ABCC1: variants seen among roughly 807,000 people sequenced by gnomAD.
ABCC1 encodes multidrug resistance-associated protein 1.
A neutral mutation model predicts 172.9 loss-of-function variants in ABCC1; 83 were observed. The ratio of observed to expected loss-of-function variants is 0.48; its 90% CI spans 0.40 to 0.58. ABCC1 has a LOEUF of 0.58. Ranked by LOEUF, ABCC1 falls within the 20% of genes least tolerant of loss-of-function variation. The pLI is 0.00. For missense variants in ABCC1, 1,817 were observed against 2,002.7 expected (o/e 0.91, Z 1.77); for synonymous variants, 937 against 825.2 (o/e 1.14, Z -2.32).
chr16:15,949,578 C>T (rs1292177536), upstream of ABCC1: 1 of 190,378 alleles, frequency 5.3e-6, no homozygotes, highest in African/African-American at 2.4e-5. Context: ...GCGGGCCAAC[C>T]AGGCGGCGTT....
chr16:16,090,297 T>G, intron 18 of ABCC1, 108 bp from the exon 19 acceptor site: 1 of 1,232,622 alleles, frequency 8.1e-7, no homozygotes, highest in Non-Finnish European at 1.1e-6. Flanking sequence ...ACCTGAGTTT[T>G]GCCCACCAGG....
chr16:16,020,159 T>C (rs916131371), intron 5 of ABCC1, among the ~76,000 whole-genome samples: 3 of 152,186 alleles, frequency 2.0e-5, no homozygotes, highest in Non-Finnish European at 2.9e-5. Flanking sequence ...TGACTTCAAG[T>C]GATCCGCCCA....
intron 1 of ABCC1, among the ~76,000 whole-genome samples, chr16:15,977,438 G>A (rs2046519533): frequency 6.6e-6 from 1 of 152,118 alleles, no homozygotes; most frequent in Admixed American, 6.5e-5. Context: ...GGGTCTCACT[G>A]TGTTGCCGTC....
rs754975789 is a variant in ABCC1, at chr16:16,090,453, G to A, written c.2509G>A (p.Val837Ile). Residue 837 changes from valine (V) to isoleucine (I), a missense_variant, in exon 19 of 31, where the codon GTC becomes ATC. Transcript: ENST00000399410. The stretch of plus-strand genomic sequence containing the variant: ...CATGAGCTACTTGCCGCAGGTGGAC[G>A]TCATCATCGTCATGAGTGGCGGCAA... ...HSMSYLPQVD[V>I]IIVMSGGKIS... The A allele has an allele frequency of 6.2e-6, 10 of 1,613,462 alleles. No homozygotes were observed. The highest frequency in any genetic ancestry group is 8.5e-6 in the Non-Finnish European group (10 of 1,179,742).
At chr16:15,960,094 T>C (rs1300410057) in intron 1 of ABCC1, among the ~76,000 whole-genome samples, 1 of 152,182 alleles carries the variant, frequency 6.6e-6, no homozygotes, top group Non-Finnish European at 1.5e-5. Flanking sequence ...GAAATTTGTG[T>C]GGTGTTTGAC....
At chr16:15,982,945 C>T (rs1470516829) in intron 1 of ABCC1, among the ~76,000 whole-genome samples, 3 of 151,898 alleles carry the variant, frequency 2.0e-5, no homozygotes, top group Admixed American at 6.6e-5. Flanking sequence ...TTCATCCTAG[C>T]GATAACTGTA....
At chr16:16,106,660 TAGC>T in intron 20 of ABCC1, 75 bp from the exon 21 acceptor site, 1 of 1,582,486 alleles carries the variant, frequency 6.3e-7, no homozygotes, top group Non-Finnish European at 8.6e-7. Flanking sequence ...AGACCCACAA[TAGC>T]AGTCCCAGCA....
At chr16:15,988,108 C>T (rs1387509941) in intron 1 of ABCC1, among the ~76,000 whole-genome samples, 1 of 152,100 alleles carries the variant, frequency 6.6e-6, no homozygotes, top group African/African-American at 2.4e-5. Flanking sequence ...CAGGCATGCA[C>T]TACCACGCTA....
At chr16:16,114,077 C>A (rs1418932636) in intron 22 of ABCC1, among the ~76,000 whole-genome samples, 2 of 152,116 alleles carry the variant, frequency 1.3e-5, no homozygotes, top group African/African-American at 4.8e-5. Context: ...GGGTTGGGGA[C>A]CCCTGGTCTA....
chr16:16,127,355 T>C (rs1317562268), intron 26 of ABCC1, among the ~76,000 whole-genome samples: 1 of 152,128 alleles, frequency 6.6e-6, no homozygotes, highest in East Asian at 1.9e-4. Flanking sequence ...CACGGGCATA[T>C]GCCATCACAC....
intron 1 of ABCC1, 49 bp downstream of exon 1, chr16:15,949,848 G>T: frequency 8.4e-7 from 1 of 1,186,528 alleles, no homozygotes; most frequent in South Asian, 4.2e-5. Flanking sequence ...GGAGGCCGGC[G>T]GGGAGGGAAA....
At chr16:16,039,912 TGA>T (rs1567338723) in intron 7 of ABCC1, among the ~76,000 whole-genome samples, 1 of 150,988 alleles carries the variant, frequency 6.6e-6, no homozygotes, top group Non-Finnish European at 1.5e-5. Flanking sequence ...GGAAAGTGAG[TGA>T]GGGGGAGAAA....
chr16:16,069,228 G>A (rs897381701), intron 13 of ABCC1, among the ~76,000 whole-genome samples: 1 of 151,038 alleles, frequency 6.6e-6, no homozygotes, highest in Non-Finnish European at 1.5e-5. Context: ...TTGAAAATTA[G>A]CCAGGCATGG....
chr16:16,110,629 T>G (rs2052344578), intron 21 of ABCC1, among the ~76,000 whole-genome samples: 1 of 152,186 alleles, frequency 6.6e-6, no homozygotes, highest in African/African-American at 2.4e-5. Flanking sequence ...CCTCAGGTAA[T>G]CCACCCGCCT....
In ABCC1 at chr16:16,106,740, A is replaced by G. The variant is rs567605759; in HGVS notation, c.2738A>G (p.Gln913Arg). 2 of 1,614,020 alleles carry G rather than the reference A, an allele frequency of 1.2e-6. No homozygotes were observed. Among genetic ancestry groups the G allele is most frequent in the African/African-American group, 1.3e-5 (1 of 75,060 alleles). Residue 913 changes from glutamine to arginine, a missense_variant and splice_region_variant, in exon 21 of 31, where the codon CAG becomes CGG. Gln to Arg is a conservative substitution (Grantham distance 43). Transcript: ENST00000399410. ...TDSAGKQLQR[Q>R]LSSSSSYSGD... The stretch of plus-strand genomic sequence containing the variant: ...ACCCTTGTGCTTTGCTTCTCCAGAC[A>G]GCTCAGCAGCTCCTCCTCCTATAGT...
At chr16:15,953,374 G>A (rs1196942986) in intron 1 of ABCC1, among the ~76,000 whole-genome samples, 1 of 152,082 alleles carries the variant, frequency 6.6e-6, no homozygotes, top group Admixed American at 6.6e-5. Context: ...AGAAAAATTG[G>A]AAATTATGGA....
chr16:15,956,376 A>C (rs12930255), intron 1 of ABCC1, among the ~76,000 whole-genome samples: 94,157 of 151,044 alleles, frequency 0.62, 29,867 homozygotes, highest in Non-Finnish European at 0.7. Flanking sequence ...AAAAAAAAAA[A>C]CACAATAAAG....
At chr16:15,983,559 T>TTC (rs896797937) in intron 1 of ABCC1, among the ~76,000 whole-genome samples, 1 of 150,198 alleles carries the variant, frequency 6.7e-6, no homozygotes, top group Non-Finnish European at 1.5e-5. Flanking sequence ...ACACTTTTTT[T>TTC]TTTTTTTTTT....
chr16:16,097,762 T>G (rs1267594261), intron 19 of ABCC1, among the ~76,000 whole-genome samples: 1 of 152,240 alleles, frequency 6.6e-6, no homozygotes, highest in Non-Finnish European at 1.5e-5. Flanking sequence ...CTGTCGGGTG[T>G]GTACAGAGTG....
Sources: allele counts gnomAD v4.1 joint callset (sites outside exome capture counted in the v4.1 genomes callset), GRCh38; gene constraint gnomAD v4.1.1; transcripts MANE v1.5; gene names NCBI Gene and HGNC (gene_info 2026-07-23, HGNC 2026-07-21).